Variants in DGKG observed in about 807,000 individuals in gnomAD.
DGKG encodes DAG kinase gamma.
In DGKG, 78 loss-of-function variants were observed where a neutral mutation model predicts 105.3. The ratio of observed to expected loss-of-function variants is 0.74; its 90% CI spans 0.62 to 0.89. The LOEUF (loss-of-function observed/expected upper bound fraction) is 0.89. DGKG is among the 40% of genes least tolerant of loss of function. DGKG has a pLI of 0.00. For synonymous variants in DGKG, 346 were observed against 367.1 expected, an observed-to-expected ratio of 0.94 and a Z score of 0.66; for missense variants, 958 against 1,020.1, an observed-to-expected ratio of 0.94 and a Z score of 0.83.
chr3:186,279,038 C>G (rs1290223161), intron 9 of DGKG: 1 of 152,200 alleles, frequency 6.6e-6, no homozygotes, highest in Non-Finnish European at 1.5e-5. Context: ...TAAGCCTGTA[C>G]ACATATGCCC....
chr3:186,302,527 T>G (rs1232194145), intron 3 of DGKG, among the ~76,000 whole-genome samples: 6 of 99,816 alleles, frequency 6.0e-5, no homozygotes, highest in Admixed American at 2.0e-4. Flanking sequence ...TATATATATA[T>G]ATATACATAT....
intron 1 of DGKG, among the ~76,000 whole-genome samples, chr3:186,344,688 C>T (rs572343168): frequency 2.0e-4 from 31 of 152,230 alleles, no homozygotes; most frequent in South Asian, 4.1e-4. Flanking sequence ...AACAACCCCC[C>T]ATGACACAAG....
chr3:186,260,318 T>TA lies in DGKG; in HGVS notation c.1424+120dup, dbSNP rs1269067151. On this transcript the variant is annotated intron_variant, in intron 16 of 24. Transcript: ENST00000265022. ...CGTGAGAAAAAGCAGAGAAAGGGAG[T>TA]AAAATGGCAGGAAGGAACAAGTTGA... 8 of 714,020 alleles carry TA rather than the reference T, an allele frequency of 1.1e-5. No homozygotes were observed. The African/African-American group carries it at 1.5e-4, about 13-fold the overall frequency. The allele number at this position is 714,020 out of a possible 1,614,324, so 44.2% of individuals were successfully genotyped here. A position where few individuals can be genotyped will look rare whatever the true frequency, so the allele number is the denominator to read the frequency against.
At chr3:186,278,612 C>A (rs1197106586) in intron 9 of DGKG, among the ~76,000 whole-genome samples, 1 of 152,094 alleles carries the variant, frequency 6.6e-6, no homozygotes, top group African/African-American at 2.4e-5. Context: ...CATGTAGATC[C>A]TGGTTCCTTG....
intron 2 of DGKG, among the ~76,000 whole-genome samples, chr3:186,309,369 C>G (rs146401192): frequency 0.011 from 1,646 of 152,144 alleles, 30 homozygotes; most frequent in African/African-American, 0.037. Context: ...TTGTGGGGGT[C>G]TTGAATGTAG....
chr3:186,163,862 C>T (rs943670821), intron 23 of DGKG, among the ~76,000 whole-genome samples: 9 of 152,028 alleles, frequency 5.9e-5, no homozygotes, highest in Non-Finnish European at 1.0e-4. Context: ...AATAGACAGG[C>T]CTCAAGAATT....
intron 3 of DGKG, 58 bp from the exon 4 acceptor site, chr3:186,298,287 A>G (rs932988824): frequency 2.7e-6 from 4 of 1,490,800 alleles, no homozygotes; most frequent in Non-Finnish European, 3.6e-6. Flanking sequence ...AGAGAGGAAG[A>G]GAGAAGGAAA....
In DGKG at chr3:186,160,743, AT is replaced by A. The variant is rs1716252985; in HGVS notation, c.2277+859del. ...TGCAATCTTATTGAGGGTATTACGC[AT>A]GTAGTATCCCAGCAGAGGCCCTGAA... On this transcript the variant is annotated intron_variant, in intron 24 of 24. Transcript: ENST00000265022. 7 of 985,414 alleles carry A rather than the reference AT, an allele frequency of 7.1e-6. No homozygotes were observed. In the East Asian group the frequency reaches 5.7e-4, roughly 80 times the overall value. The allele number at this position is 985,414 out of a possible 1,614,324, so 61.0% of individuals were successfully genotyped here.
In DGKG at chr3:186,272,415, CT is replaced by C. The variant is rs1422842476; in HGVS notation, c.911-73del. 3 of 1,111,200 alleles carry C rather than the reference CT, an allele frequency of 2.7e-6. No homozygotes were observed. The African/African-American group carries it at 4.7e-5, about 17-fold the overall frequency. The allele number at this position is 1,111,200 out of a possible 1,614,324, so 68.8% of individuals were successfully genotyped here. ...GGAAAGGCCCAGCTGCCCTCCCACC[CT>C]AGCCAAGGTCTGTACCTCCCTTTGG... On this transcript the variant is annotated intron_variant, in intron 10 of 24. Transcript: ENST00000265022.
intron 22 of DGKG, among the ~76,000 whole-genome samples, chr3:186,177,339 A>G (rs1387442943): frequency 6.6e-6 from 1 of 151,792 alleles, no homozygotes; most frequent in African/African-American, 2.4e-5. Context: ...CCTTTCTTTT[A>G]CTCCCTGTCT....
At chr3:186,239,530 G>A (rs1720574099) in intron 20 of DGKG, among the ~76,000 whole-genome samples, 2 of 152,226 alleles carry the variant, frequency 1.3e-5, no homozygotes, top group South Asian at 4.1e-4. Flanking sequence ...TGAAGAAAAT[G>A]GCTGCTTGCC....
At chr3:186,259,293 G>A (rs1721637636) in intron 16 of DGKG, among the ~76,000 whole-genome samples, 1 of 152,190 alleles carries the variant, frequency 6.6e-6, no homozygotes, top group African/African-American at 2.4e-5. Flanking sequence ...CTGTCTGCCA[G>A]TTTTGACAGT....
chr3:186,245,185 T>C (rs1720882565), intron 19 of DGKG, among the ~76,000 whole-genome samples: 1 of 152,200 alleles, frequency 6.6e-6, no homozygotes, highest in Non-Finnish European at 1.5e-5. Context: ...TCTTTGGTTT[T>C]TCCATAACTA....
At chr3:186,290,993 T>C (rs1218041182) in intron 5 of DGKG, among the ~76,000 whole-genome samples, 1 of 152,038 alleles carries the variant, frequency 6.6e-6, no homozygotes, top group Non-Finnish European at 1.5e-5. Context: ...ATTGATAGAG[T>C]ATTCAGAAAC....
At chr3:186,152,457 C>T (rs929996083) in intron 24 of DGKG, among the ~76,000 whole-genome samples, 1 of 151,864 alleles carries the variant, frequency 6.6e-6, no homozygotes, top group Non-Finnish European at 1.5e-5. Context: ...TCAGCCTTCT[C>T]TCACTCCTGA....
chr3:186,154,092 G>A (rs1715909226), intron 24 of DGKG, among the ~76,000 whole-genome samples: 1 of 152,168 alleles, frequency 6.6e-6, no homozygotes, highest in Non-Finnish European at 1.5e-5. Flanking sequence ...GTGAGACCTT[G>A]TCTCAACAAC....
chr3:186,298,001 G>C, intron 4 of DGKG, 63 bp downstream of exon 4: 1 of 1,538,460 alleles, frequency 6.5e-7, no homozygotes, highest in South Asian at 1.3e-5. Flanking sequence ...AATGCAGTCT[G>C]TGGCTGTGGC....
intron 22 of DGKG, among the ~76,000 whole-genome samples, chr3:186,174,498 C>T (rs942713284): frequency 2.6e-5 from 4 of 152,200 alleles, no homozygotes; most frequent in East Asian, 1.9e-4. Context: ...GGCAGAGAGA[C>T]GGTAAAGAGC....
Position 186,225,360 on chromosome 3 carries a change from AGTTCACATTTATAGCACC to A in DGKG, c.1827-13493_1827-13476del, listed in dbSNP as rs1380248350. On this transcript the variant is annotated intron_variant, in intron 20 of 24. Coordinates refer to ENST00000265022, the MANE Select transcript of DGKG (RefSeq NM_001346.3). ...TCATTCTCTCCTTTGGCAGGAGATC[AGTTCACATTTATAGCACC>A]AATAATTTGTGACCAAGGTCAAGCA... Among the ~76,000 whole-genome samples the A allele has an allele frequency of 3.8e-3, 578 of 152,300 alleles. 4 individuals are homozygous for A. The highest frequency in any genetic ancestry group is 0.012 in the African/African-American group (490 of 41,558).
Sources: gnomAD v4.1 joint callset for allele counts (sites outside exome capture counted in the v4.1 genomes callset) on GRCh38, gnomAD v4.1.1 for gene constraint, MANE v1.5 for transcripts, NCBI Gene and HGNC (gene_info 2026-07-23, HGNC 2026-07-21) for gene names.